MECOM: variants seen among roughly 807,000 people sequenced by gnomAD.
MECOM encodes histone-lysine N-methyltransferase MECOM.
Under a neutral mutation model 116.3 loss-of-function variants are expected in MECOM, and 13 were observed. The observed-to-expected ratio is 0.11, with a 90% CI of 0.07 to 0.18. The LOEUF (loss-of-function observed/expected upper bound fraction) is 0.18. Among genes scored for constraint, MECOM ranks in the 10% least tolerant of loss-of-function variants. MECOM has a pLI of 1.00. For missense variants in MECOM, 1,299 were observed against 1,509.0 expected, an observed-to-expected ratio of 0.86 and a Z score of 2.31; for synonymous variants, 528 against 535.2, an observed-to-expected ratio of 0.99 and a Z score of 0.19.
intron 2 of MECOM, among the ~76,000 whole-genome samples, chr3:169,220,605 G>A (rs548973500): frequency 7.2e-5 from 11 of 152,116 alleles, no homozygotes; most frequent in African/African-American, 1.9e-4. Context: ...CCCCCAAGTA[G>A]CTAGGATTAC....
chr3:169,638,198 C>T (rs992343734), intron 1 of MECOM, among the ~76,000 whole-genome samples: 4 of 152,240 alleles, frequency 2.6e-5, no homozygotes, highest in Non-Finnish European at 5.9e-5. Flanking sequence ...TAAAGTCTTC[C>T]CCTAGCATTA....
At chr3:169,431,625 G>A (rs1741647370) in intron 1 of MECOM, among the ~76,000 whole-genome samples, 1 of 152,178 alleles carries the variant, frequency 6.6e-6, no homozygotes, top group Non-Finnish European at 1.5e-5. Context: ...TAGATTCAAA[G>A]TCGCACAGAC....
intron 1 of MECOM, among the ~76,000 whole-genome samples, chr3:169,640,470 T>C (rs563574182): frequency 1.3e-5 from 2 of 152,234 alleles, no homozygotes; most frequent in South Asian, 2.1e-4. Flanking sequence ...GACACTTTAA[T>C]GGAATTTGAG....
intron 2 of MECOM, among the ~76,000 whole-genome samples, chr3:169,207,398 TA>T (rs1750081031): frequency 6.6e-6 from 1 of 152,314 alleles, no homozygotes; most frequent in East Asian, 1.9e-4. Context: ...GGATAAGCTA[TA>T]ATTAATATCT....
intron 1 of MECOM, among the ~76,000 whole-genome samples, chr3:169,641,351 A>G (rs1249554797): frequency 2.0e-5 from 3 of 152,134 alleles, no homozygotes; most frequent in African/African-American, 7.2e-5. Flanking sequence ...ATAGCCACAC[A>G]TCTGGGTAGG....
At chr3:169,535,156 T>C (rs914939527) in intron 1 of MECOM, among the ~76,000 whole-genome samples, 1 of 152,132 alleles carries the variant, frequency 6.6e-6, no homozygotes, top group Admixed American at 6.5e-5. Flanking sequence ...TTAACTAATA[T>C]GCATCCACAT....
In MECOM at chr3:169,549,449, A is replaced by T. The variant is rs185978852; in HGVS notation, c.37+113887T>A. On this transcript the variant is annotated intron_variant, in intron 1 of 16. Coordinates refer to ENST00000651503, the MANE Select transcript of MECOM (RefSeq NM_004991.4). Reference sequence around the variant, plus strand: ...CTGGACTTAAATCTGATTACAACACATTTTAAATCCACTGAAACTTATCCT... The same window carrying T: ...CTGGACTTAAATCTGATTACAACACTTTTTAAATCCACTGAAACTTATCCT... Among the ~76,000 whole-genome samples the T allele has an allele frequency of 7.3e-3, 1,114 of 152,210 alleles. 14 individuals carry two copies. Among genetic ancestry groups the T allele is most frequent in the African/African-American group, 0.026 (1,067 of 41,516 alleles).
At chr3:169,147,670 C>T (rs1302404287) in intron 2 of MECOM, 34 of 983,802 alleles carry the variant, frequency 3.5e-5, no homozygotes, top group Non-Finnish European at 4.0e-5. Flanking sequence ...GATTTCTTTC[C>T]CCAGGGAAAT....
rs3045470 is a variant in MECOM, at chr3:169,610,498, C to CGTGTGT, written c.37+52832_37+52837dup. 1.9e-3 allele frequency among the ~76,000 whole-genome samples: 246 copies of CGTGTGT among 128,702 alleles called. 3 individuals carry two copies. The highest frequency in any genetic ancestry group is 6.4e-3 in the African/African-American group (222 of 34,530). The allele number at this position is 128,702 out of a possible 152,430, so 84.4% of individuals were successfully genotyped here. ...GGTAAATGATATATATGTAATGTTA[C>CGTGTGT]GTGTGTGTGTGTGTGTGTGTGTGTG... is the stretch of plus-strand genomic sequence containing the variant. On this transcript the variant is annotated intron_variant, in intron 1 of 16. Transcript: ENST00000651503.
intron 1 of MECOM, among the ~76,000 whole-genome samples, chr3:169,579,258 G>A (rs1157855078): frequency 1.3e-5 from 2 of 152,158 alleles, no homozygotes; most frequent in Non-Finnish European, 2.9e-5. Flanking sequence ...AGCTGCAAGG[G>A]TCTATTCAAG....
At chr3:169,359,637 C>A (rs967625683) in intron 2 of MECOM, among the ~76,000 whole-genome samples, 1 of 151,672 alleles carries the variant, frequency 6.6e-6, no homozygotes, top group Non-Finnish European at 1.5e-5. Context: ...ATATTGCTGA[C>A]AATATTCTAT....
intron 9 of MECOM, among the ~76,000 whole-genome samples, chr3:169,109,705 C>A (rs758178588): frequency 6.6e-6 from 1 of 152,164 alleles, no homozygotes; most frequent in Non-Finnish European, 1.5e-5. Context: ...CATGAGTCAC[C>A]GCACCCGGCC....
chr3:169,633,418 G>T (rs540070713), intron 1 of MECOM, among the ~76,000 whole-genome samples: 1 of 152,128 alleles, frequency 6.6e-6, no homozygotes, highest in South Asian at 2.1e-4. Context: ...AGATGTGTGC[G>T]TGTGTGTGTT....
Position 169,177,276 on chromosome 3 carries a change from C to T in MECOM, c.376-33444G>A, listed in dbSNP as rs548735754. ...TGTGGTACATATACACCATGGAATA[C>T]TATGCAGCCTTAAAAAGAAATGAGA... On this transcript the variant is annotated intron_variant, in intron 2 of 16. Coordinates refer to ENST00000651503, the MANE Select transcript of MECOM (RefSeq NM_004991.4). 1.8e-3 allele frequency among the ~76,000 whole-genome samples: 279 copies of T among 152,284 alleles called. 3 individuals are homozygous for T. Among genetic ancestry groups the T allele is most frequent in the Middle Eastern group, 6.8e-3 (2 of 294 alleles).
chr3:169,498,139 C>T lies in MECOM; in HGVS notation c.38-116615G>A, dbSNP rs557103287. Among the ~76,000 whole-genome samples, 3 of 152,112 alleles carry T rather than the reference C, an allele frequency of 2.0e-5. No homozygotes were observed. The East Asian group carries it at 5.8e-4, about 29-fold the overall frequency. On this transcript the variant is annotated intron_variant, in intron 1 of 16. Coordinates refer to ENST00000651503, the MANE Select transcript of MECOM (RefSeq NM_004991.4). Reference sequence around the variant, plus strand: ...AGATGACAAAATACATAATTTGTACCAATGTTCACAATTATTTCTTCCATA... The same window carrying T: ...AGATGACAAAATACATAATTTGTACTAATGTTCACAATTATTTCTTCCATA...
At chr3:169,352,534 G>T (rs1726505281) in intron 2 of MECOM, among the ~76,000 whole-genome samples, 1 of 151,762 alleles carries the variant, frequency 6.6e-6, no homozygotes, top group African/African-American at 2.4e-5. Flanking sequence ...GAAACTTGTT[G>T]GGGGGAAAAG....
At chr3:169,212,037 T>C (rs1750790251) in intron 2 of MECOM, among the ~76,000 whole-genome samples, 1 of 152,114 alleles carries the variant, frequency 6.6e-6, no homozygotes, top group Non-Finnish European at 1.5e-5. Context: ...TTTCTCTATC[T>C]GCATTCAATC....
chr3:169,304,146 T>C (rs76132551), intron 2 of MECOM, among the ~76,000 whole-genome samples: 25 of 152,346 alleles, frequency 1.6e-4, no homozygotes, highest in Non-Finnish European at 3.5e-4. Flanking sequence ...ATTATCAGTA[T>C]AGTTTTGGGC....
intron 2 of MECOM, among the ~76,000 whole-genome samples, chr3:169,282,463 T>C (rs1165379846): frequency 6.6e-6 from 1 of 152,222 alleles, no homozygotes; most frequent in Non-Finnish European, 1.5e-5. Flanking sequence ...TTTTATAAAA[T>C]ATATTCTGTC....
Sources: gnomAD v4.1 joint callset for allele counts (sites outside exome capture counted in the v4.1 genomes callset) on GRCh38, gnomAD v4.1.1 for gene constraint, MANE v1.5 for transcripts, NCBI Gene and HGNC (gene_info 2026-07-23, HGNC 2026-07-21) for gene names.